Variants in GJC1 observed in about 807,000 individuals in gnomAD.
The protein encoded by GJC1 is gap junction gamma-1 protein.
In GJC1, 5 loss-of-function variants were observed where a neutral mutation model predicts 29.3. The ratio of observed to expected loss-of-function variants is 0.17; its 90% CI spans 0.09 to 0.36. The LOEUF (loss-of-function observed/expected upper bound fraction) is 0.36. Ranked by LOEUF, GJC1 falls within the 10% of genes least tolerant of loss-of-function variation. The pLI, the probability that GJC1 is intolerant of heterozygous loss-of-function variation, is 1.00. For synonymous variants in GJC1, 177 were observed against 183.3 expected (o/e 0.97, Z 0.28); for missense variants, 310 against 496.2 (o/e 0.62, Z 3.56).
Position 44,804,767 on chromosome 17 carries a change from G to A in GJC1, c.1051C>T (p.Leu351=). The A allele has an allele frequency of 1.9e-6, 3 of 1,614,196 alleles. No homozygotes were observed. Among genetic ancestry groups the A allele is most frequent in the Non-Finnish European group, 1.7e-6 (2 of 1,180,044 alleles). The part of the protein sequence containing the change: ...EIRMAQERLD[L]AVQAYSHQNN... Reference sequence around the variant, plus strand: ...TGGTGACTGTAGGCCTGAACTGCCAGATCCAAGCGTTCCTGAGCCATCCTG... The same window carrying A: ...TGGTGACTGTAGGCCTGAACTGCCAAATCCAAGCGTTCCTGAGCCATCCTG... The change falls in exon 3 of 3, where the codon CTG becomes TTG. Residue 351 remains leucine (L), a synonymous_variant. Transcript: ENST00000592524.
At position 44,804,606 on chromosome 17, in the gene GJC1, C is replaced by T. The variant is rs1166945137; in HGVS notation, c.*21G>A. 6.5e-7 allele frequency: 1 copy of T among 1,548,594 alleles called. No individual in the cohort carries two copies. Among genetic ancestry groups the T allele is most frequent in the African/African-American group, 1.4e-5 (1 of 73,574 alleles). On this transcript the variant is annotated 3_prime_UTR_variant, in exon 3 of 3. Transcript: ENST00000592524. Reference sequence around the variant, plus strand: ...TGCTTACCATAAACTATGAAAAGCACAGGTTTTAAGCCCGCCAGGATTAAA... The same window carrying T: ...TGCTTACCATAAACTATGAAAAGCATAGGTTTTAAGCCCGCCAGGATTAAA...
At position 44,804,400 on chromosome 17, in the gene GJC1, A is replaced by C. The variant is rs779901821; in HGVS notation, c.*227T>G. 1.0e-5 allele frequency: 5 copies of C among 494,064 alleles called. No individual in the cohort carries two copies. Among genetic ancestry groups the C allele is most frequent in the African/African-American group, 1.9e-5 (1 of 51,970 alleles). The allele number at this position is 494,064 out of a possible 1,614,324, so 30.6% of individuals were successfully genotyped here. ...CTCCAGATCTGGAAGACACAAATGT[A>C]AAGTTCTGCAACTGTATTATTGCTA... On this transcript the variant is annotated 3_prime_UTR_variant, in exon 3 of 3. Coordinates refer to ENST00000592524, the MANE Select transcript of GJC1 (RefSeq NM_005497.4).
chr17:44,817,214 AC>A (rs984378816), intron 1 of GJC1, among the ~76,000 whole-genome samples: 88 of 151,546 alleles, frequency 5.8e-4, no homozygotes, highest in Non-Finnish European at 6.9e-4. Context: ...CTCAAAAAAA[AC>A]CCACAAAAAA....
At chr17:44,828,606 C>G (rs1044679879) in intron 1 of GJC1, among the ~76,000 whole-genome samples, 18 of 152,170 alleles carry the variant, frequency 1.2e-4, no homozygotes, top group African/African-American at 4.1e-4. Flanking sequence ...TTTTTACCTT[C>G]TACCCAGAAA....
At chr17:44,806,401 GTTT>G (rs35152035) in intron 2 of GJC1, among the ~76,000 whole-genome samples, 6 of 122,134 alleles carry the variant, frequency 4.9e-5, no homozygotes, top group Non-Finnish European at 1.0e-4. Flanking sequence ...TCTTCTGTTT[GTTT>G]TTTTTTTTTT....
rs1410086659 is a variant in GJC1 at position 44,798,715 on chromosome 17, A to G, written c.*5912T>C. On this transcript the variant is annotated 3_prime_UTR_variant, in exon 3 of 3. Transcript: ENST00000592524. ...GCTGGAAGTCCTAGCTAAGTTTTCA[A>G]TATCAATATGCTACCCATGTCATAA... 1 of 152,226 alleles carries G rather than the reference A, an allele frequency of 6.6e-6. No individual in the cohort carries two copies. 9.4% of individuals were successfully genotyped at this position (152,226 alleles called of 1,614,324 possible). A position where few individuals can be genotyped will look rare whatever the true frequency, so the allele number is the denominator to read the frequency against.
chr17:44,795,736 GTA>G (rs1169998492), downstream of GJC1, among the ~76,000 whole-genome samples: 2 of 152,218 alleles, frequency 1.3e-5, no homozygotes, highest in Admixed American at 1.3e-4. Context: ...CCCAGTGGGC[GTA>G]TGTTACAGTG....
At chr17:44,819,575 G>A (rs762077399) in intron 1 of GJC1, among the ~76,000 whole-genome samples, 7 of 151,628 alleles carry the variant, frequency 4.6e-5, no homozygotes, top group African/African-American at 7.3e-5. Flanking sequence ...GGAGAACAGC[G>A]TGAACCCAGG....
upstream of GJC1, chr17:44,830,841 C>G (rs1467725846): frequency 2.5e-6 from 1 of 396,750 alleles, no homozygotes; most frequent in Non-Finnish European, 4.4e-6. This position sits in a 1 kb window ranked among gnomAD's most constrained non-coding sequence, Gnocchi z 4.3. Context: ...TCCTGAACTT[C>G]TCGGATTAGC....
At chr17:44,815,715 GACATTGATTAATTGACATTTAATATAA>G (rs1279612058) in intron 1 of GJC1, among the ~76,000 whole-genome samples, 1 of 152,018 alleles carries the variant, frequency 6.6e-6, no homozygotes, top group African/African-American at 2.4e-5. Flanking sequence ...ATATAGTATA[GACATTGATTAATTGACATTTAATATAA>G]ACATCTCAGT....
intron 1 of GJC1, among the ~76,000 whole-genome samples, chr17:44,816,196 A>AT (rs1284034966): frequency 1.3e-5 from 2 of 151,630 alleles, no homozygotes; most frequent in African/African-American, 2.4e-5. Context: ...ATGGTAGCCC[A>AT]TAATTCAAAA....
At chr17:44,815,608 G>A (rs1167218483) in intron 1 of GJC1, among the ~76,000 whole-genome samples, 1 of 151,892 alleles carries the variant, frequency 6.6e-6, no homozygotes, top group Non-Finnish European at 1.5e-5. Flanking sequence ...CAATTTTCAT[G>A]TTTCTAAGAC....
At chr17:44,825,274 T>A (rs1392769875) in intron 1 of GJC1, among the ~76,000 whole-genome samples, 3 of 133,558 alleles carry the variant, frequency 2.2e-5, no homozygotes, top group Non-Finnish European at 4.6e-5. Context: ...CCGAGGCAGG[T>A]GGATCACCTG....
intron 1 of GJC1, among the ~76,000 whole-genome samples, chr17:44,814,812 A>T (rs1284752201): frequency 6.6e-6 from 1 of 152,052 alleles, no homozygotes; most frequent in African/African-American, 2.4e-5. Context: ...GCGTGGTGGC[A>T]TGCGCCTGTA....
intron 1 of GJC1, among the ~76,000 whole-genome samples, chr17:44,825,188 CAAAAAAAAAAA>C (rs1162077867): frequency 0.049 from 2,265 of 46,106 alleles, 27 homozygotes; most frequent in African/African-American, 0.055. Context: ...GTCTCAATTA[CAAAAAAAAAAA>C]AAAAAAAAAA....
intron 1 of GJC1, among the ~76,000 whole-genome samples, chr17:44,819,153 C>G (rs1307724376): frequency 1.3e-5 from 2 of 152,020 alleles, no homozygotes; most frequent in Non-Finnish European, 2.9e-5. Context: ...GAATTTTTTT[C>G]ATCTTGTAAA....
chr17:44,809,898 G>T (rs1250919899), intron 1 of GJC1, among the ~76,000 whole-genome samples: 4 of 141,696 alleles, frequency 2.8e-5, no homozygotes, highest in Non-Finnish European at 6.1e-5. Context: ...TCGCTTTTTT[G>T]GCCAAGCTGG....
At chr17:44,806,143 T>G (rs1480938260) in intron 2 of GJC1, among the ~76,000 whole-genome samples, 1 of 151,980 alleles carries the variant, frequency 6.6e-6, no homozygotes, top group Non-Finnish European at 1.5e-5. Context: ...CACGGTGGTG[T>G]GCACCTGTAA....
At chr17:44,808,508 C>T (rs543321790) in intron 1 of GJC1, among the ~76,000 whole-genome samples, 21 of 151,940 alleles carry the variant, frequency 1.4e-4, no homozygotes, top group Non-Finnish European at 1.8e-4. Flanking sequence ...CCCAGCACTT[C>T]GGGAGGCCAA....
Sources: gnomAD v4.1 joint callset for allele counts (sites outside exome capture counted in the v4.1 genomes callset) on GRCh38, gnomAD v4.1.1 for gene constraint, Gnocchi (gnomAD v3.1) non-coding constraint, MANE v1.5 for transcripts, NCBI Gene and HGNC (gene_info 2026-07-23, HGNC 2026-07-21) for gene names.